Variants in C11orf65 observed in about 807,000 individuals in gnomAD.
C11orf65 encodes the protein protein MFI.
C11orf65 carries 38 observed loss-of-function variants against 35.3 expected under a neutral mutation model. That is an observed-to-expected ratio of 1.08 (90% confidence interval 0.83 to 1.41). The LOEUF (loss-of-function observed/expected upper bound fraction) is 1.41, where lower values mean the gene tolerates loss of function less well. C11orf65 is among the 40% of genes most tolerant of loss of function. C11orf65 has a pLI of 0.00. For synonymous variants in C11orf65, 105 were observed against 114.4 expected (o/e 0.92, Z 0.53); for missense variants, 370 against 367.1 (o/e 1.01, Z -0.06).
chr11:108,363,412 T>C (rs748490285), intron 2 of C11orf65, among the ~76,000 whole-genome samples: 1 of 152,234 alleles, frequency 6.6e-6, no homozygotes, highest in Non-Finnish European at 1.5e-5. Context: ...CATTCTCTCC[T>C]CTAAGATTTT....
At chr11:108,357,773 T>A (rs1040172269) in intron 2 of C11orf65, among the ~76,000 whole-genome samples, 1 of 151,998 alleles carries the variant, frequency 6.6e-6, no homozygotes, top group South Asian at 2.1e-4. Flanking sequence ...AGAAAGGATA[T>A]CCACACCAAA....
At chr11:108,361,451 A>T (rs2090742666) in intron 2 of C11orf65, among the ~76,000 whole-genome samples, 3 of 152,044 alleles carry the variant, frequency 2.0e-5, no homozygotes, top group Middle Eastern at 3.2e-3. Flanking sequence ...AAACTACTTT[A>T]AAGTTCATAT....
Position 108,407,128 on chromosome 11 carries a change from C to A in C11orf65, c.196G>T (p.Ala66Ser), listed in dbSNP as rs1479360500. ...AATCTGAATCGCACATGAATGCCAG[C>A]AGCAGCATCTAGAAGCTCTGCCTAT... ...PKEAELLDAA[A>S]GIHVRFRLGG... is the part of the protein sequence containing the mutation. The change falls in exon 4 of 9, where the codon GCT becomes TCT. Residue 66 changes from alanine (A) to serine (S), a missense_variant. By Grantham distance (99) the Ala-to-Ser change is moderately conservative. Transcript: ENST00000393084. The A allele has an allele frequency of 6.2e-7, 1 of 1,609,428 alleles. No homozygotes were observed. The highest frequency in any genetic ancestry group is 1.1e-5 in the South Asian group (1 of 90,442).
At chr11:108,369,293 T>C (rs559678967) in intron 2 of C11orf65, among the ~76,000 whole-genome samples, 2 of 152,306 alleles carry the variant, frequency 1.3e-5, no homozygotes, top group South Asian at 2.1e-4. Context: ...CTGATAATGC[T>C]GCATCTCAGT....
intron 3 of C11orf65, among the ~76,000 whole-genome samples, chr11:108,411,118 G>C (rs986276281): frequency 1.3e-5 from 2 of 152,036 alleles, no homozygotes; most frequent in Middle Eastern, 3.2e-3. Flanking sequence ...TTTGCATTTA[G>C]AGGTATAAAT....
chr11:108,325,061 A>C (rs962211928), intron 6 of C11orf65, among the ~76,000 whole-genome samples: 4 of 152,072 alleles, frequency 2.6e-5, no homozygotes, highest in Non-Finnish European at 5.9e-5. Context: ...GAGTATTAAA[A>C]ATTTTTTTTG....
At chr11:108,413,049 G>C (rs1371906295) in intron 3 of C11orf65, among the ~76,000 whole-genome samples, 1 of 152,104 alleles carries the variant, frequency 6.6e-6, no homozygotes, top group Non-Finnish European at 1.5e-5. Flanking sequence ...TAATTGAACT[G>C]AACAGCAGCA....
At chr11:108,402,950 G>C (rs2092465879) in intron 6 of C11orf65, among the ~76,000 whole-genome samples, 1 of 152,276 alleles carries the variant, frequency 6.6e-6, no homozygotes, top group East Asian at 1.9e-4. Context: ...CCTTTGTGTA[G>C]ATATCCTACC....
chr11:108,371,386 C>T (rs2091570686), intron 2 of C11orf65, among the ~76,000 whole-genome samples: 1 of 152,220 alleles, frequency 6.6e-6, no homozygotes, highest in African/African-American at 2.4e-5. Flanking sequence ...ACTCCCCACT[C>T]CTCTATTCAA....
At chr11:108,452,229 T>C (rs2093357476) in intron 2 of C11orf65, among the ~76,000 whole-genome samples, 1 of 152,050 alleles carries the variant, frequency 6.6e-6, no homozygotes, top group South Asian at 2.1e-4. Context: ...ACCTACAGAA[T>C]GGGAGAAAAT....
intron 3 of C11orf65, among the ~76,000 whole-genome samples, chr11:108,419,537 A>G (rs1200378430): frequency 6.6e-6 from 1 of 152,090 alleles, no homozygotes; most frequent in East Asian, 1.9e-4. Context: ...GTCTCTACAA[A>G]AAAAGTTTTA....
chr11:108,396,027 G>A (rs1276372443), intron 6 of C11orf65, among the ~76,000 whole-genome samples: 2 of 152,192 alleles, frequency 1.3e-5, no homozygotes, highest in East Asian at 3.9e-4. Context: ...CACTGTTATC[G>A]GGTGGCAGGG....
chr11:108,387,190 T>C (rs1247427515), intron 7 of C11orf65, among the ~76,000 whole-genome samples: 2 of 135,988 alleles, frequency 1.5e-5, no homozygotes, highest in East Asian at 2.2e-4. Context: ...ATCTCGCTCT[T>C]GTGCCCTAGG....
intron 6 of C11orf65, among the ~76,000 whole-genome samples, chr11:108,400,485 G>A (rs1295569842): frequency 6.6e-6 from 1 of 152,186 alleles, no homozygotes; most frequent in Non-Finnish European, 1.5e-5. Flanking sequence ...GAGCAGGAAA[G>A]GTGATGTATC....
At chr11:108,414,252 T>C (rs1374455519) in intron 3 of C11orf65, among the ~76,000 whole-genome samples, 2 of 152,040 alleles carry the variant, frequency 1.3e-5, no homozygotes, top group Non-Finnish European at 2.9e-5. Flanking sequence ...TTGAATACTT[T>C]ATTGTCATGA....
At position 108,353,824 on chromosome 11, in the gene C11orf65, C is replaced by G. The variant is rs551041839; in HGVS notation, c.227-18532G>C. ...CTCCTGAGACAGTTCCTTTTAGACTCACCAGAGATATTGTGGATGGCATGG... is the reference window on the plus strand; with the variant it reads ...CTCCTGAGACAGTTCCTTTTAGACTGACCAGAGATATTGTGGATGGCATGG... On this transcript the variant is annotated intron_variant, in intron 2 of 3. Coordinates refer to the C11orf65 transcript ENST00000524755. 3.2e-4 allele frequency: 520 copies of G among 1,614,054 alleles called. 2 individuals are homozygous for G. In the South Asian group the frequency reaches 5.6e-3, roughly 17 times the overall value.
rs561806702 is a variant in C11orf65 at position 108,449,280 on chromosome 11, A to T, written c.81+12199T>A. Among the ~76,000 whole-genome samples the T allele has an allele frequency of 1.8e-3, 281 of 151,938 alleles. 7 individuals carry two copies. Among genetic ancestry groups the T allele is most frequent in the African/African-American group, 6.5e-3 (270 of 41,292 alleles). On this transcript the variant is annotated intron_variant, in intron 2 of 8. Coordinates refer to ENST00000393084, the MANE Select transcript of C11orf65 (RefSeq NM_152587.5). ...GACTTTCTTCACAGAATTGGAAAAG[A>T]CTACTTTAAGGTTCATATGGAACCA... is the stretch of plus-strand genomic sequence containing the variant.
chr11:108,348,398 CT>C (rs1166712948), intron 2 of C11orf65, among the ~76,000 whole-genome samples: 2 of 139,502 alleles, frequency 1.4e-5, no homozygotes, highest in African/African-American at 5.4e-5. Context: ...GAATATGTAG[CT>C]TCTATGTATA....
chr11:108,310,320 TG>T lies in C11orf65; in HGVS notation c.641-1250del, dbSNP rs2136020073. On this transcript the variant is annotated intron_variant, in intron 6 of 6. Transcript: ENST00000525729. ...TATGGATGATCAAGAGAAAAGGTAA[TG>T]GAATTTAGAATTTTTGGTTTTTAAA... 6.2e-7 allele frequency: 1 copy of T among 1,612,012 alleles called. No homozygotes were observed. Among genetic ancestry groups the T allele is most frequent in the Non-Finnish European group, 8.5e-7 (1 of 1,178,694 alleles).
Sources: gnomAD v4.1 joint callset for allele counts (sites outside exome capture counted in the v4.1 genomes callset) on GRCh38, gnomAD v4.1.1 for gene constraint, MANE v1.5 for transcripts, NCBI Gene and HGNC (gene_info 2026-07-23, HGNC 2026-07-21) for gene names.